Variants in DLC1 observed in about 807,000 individuals in gnomAD.
The protein encoded by DLC1 is rho GTPase-activating protein 7.
DLC1 carries 54 observed loss-of-function variants against 140.3 expected under a neutral mutation model. The observed-to-expected ratio is 0.38, with a 90% CI of 0.31 to 0.48. The LOEUF is 0.48. DLC1 is among the 20% of genes least tolerant of loss of function. The pLI is 0.96. For missense variants in DLC1, 2,536 were observed against 1,907.0 expected (o/e 1.33, Z -6.14); for synonymous variants, 986 against 728.1 (o/e 1.35, Z -5.70).
intron 5 of DLC1, among the ~76,000 whole-genome samples, chr8:13,295,127 TAAAGAG>T (rs572739728): frequency 2.7e-4 from 41 of 152,304 alleles, no homozygotes; most frequent in African/African-American, 9.4e-4. Flanking sequence ...ATCACAGACT[TAAAGAG>T]AAAGGGGGAA....
At chr8:13,368,240 T>C (rs1274224434) in intron 4 of DLC1, among the ~76,000 whole-genome samples, 2 of 152,204 alleles carry the variant, frequency 1.3e-5, no homozygotes, top group Admixed American at 6.5e-5. Context: ...TAAAGGGCCC[T>C]CAGACACCAT....
At chr8:13,528,467 A>G (rs998049282) in intron 1 of DLC1, among the ~76,000 whole-genome samples, 2 of 152,336 alleles carry the variant, frequency 1.3e-5, no homozygotes, top group Non-Finnish European at 2.9e-5. Context: ...TGTTTGAAAG[A>G]GTTTGTAAAA....
Position 13,590,063 on chromosome 8 carries a change from A to C in DLC1, c.-126+14474T>G, listed in dbSNP as rs947470604. On this transcript the variant is annotated intron_variant, in intron 1 of 1. Coordinates refer to the DLC1 transcript ENST00000631382. Reference sequence around the variant, plus strand: ...AAAGTTTAGGAGAAACTCAACATGCATATATATATATATACAAACACATGC... The same window carrying C: ...AAAGTTTAGGAGAAACTCAACATGCCTATATATATATATACAAACACATGC... Among the ~76,000 whole-genome samples the C allele has an allele frequency of 5.9e-5, 7 of 119,432 alleles. No homozygotes were observed. In the South Asian group the frequency reaches 9.9e-4, roughly 17 times the overall value. The allele number at this position is 119,432 out of a possible 152,430, so 78.4% of individuals were successfully genotyped here.
chr8:13,140,533 A>G (rs1326594697), intron 5 of DLC1, among the ~76,000 whole-genome samples: 1 of 146,116 alleles, frequency 6.8e-6, no homozygotes. Flanking sequence ...TGCCTGGCCA[A>G]CTTTTTTTTT....
At chr8:13,267,660 C>A (rs1224474698) in intron 5 of DLC1, among the ~76,000 whole-genome samples, 1 of 151,972 alleles carries the variant, frequency 6.6e-6, no homozygotes, top group African/African-American at 2.4e-5. Flanking sequence ...TTTACACCAG[C>A]AACCTATAAC....
chr8:13,121,609 C>T (rs1821077878), intron 5 of DLC1, among the ~76,000 whole-genome samples: 2 of 152,080 alleles, frequency 1.3e-5, no homozygotes, highest in South Asian at 4.2e-4. Context: ...AGTCTAGTGG[C>T]ATGATCACAG....
Position 13,133,431 on chromosome 8 carries a change from C to T in DLC1, c.1349-17774G>A, listed in dbSNP as rs7014240. ...GGCTGTTCTCCGGCCCCGCCCCATT[C>T]CCAGGCTCCGCCCCCCGCCCCTCTT... On this transcript the variant is annotated intron_variant, in intron 5 of 17. Coordinates refer to ENST00000276297, the MANE Select transcript of DLC1 (RefSeq NM_182643.3). 0.054 allele frequency: 25,965 copies of T among 482,660 alleles called. 1,077 individuals are homozygous for T. The highest frequency in any genetic ancestry group is 0.15 in the African/African-American group (6,398 of 44,012). The allele number at this position is 482,660 out of a possible 1,614,324, so 29.9% of individuals were successfully genotyped here. A position where few individuals can be genotyped will look rare whatever the true frequency, so the allele number is the denominator to read the frequency against.
chr8:13,532,833 C>A (rs1181738371), intron 1 of DLC1, among the ~76,000 whole-genome samples: 2 of 152,126 alleles, frequency 1.3e-5, no homozygotes, highest in African/African-American at 4.8e-5. Flanking sequence ...AGACCCTCAT[C>A]CCCCCATCTC....
intron 5 of DLC1, among the ~76,000 whole-genome samples, chr8:13,155,467 ATAATT>A (rs1429412457): frequency 6.6e-6 from 1 of 152,140 alleles, no homozygotes; most frequent in Non-Finnish European, 1.5e-5. Flanking sequence ...GGCTAAAACA[ATAATT>A]TAAATCTATT....
chr8:13,133,991 G>A (rs182607851), intron 5 of DLC1, among the ~76,000 whole-genome samples: 1 of 152,316 alleles, frequency 6.6e-6, no homozygotes, highest in East Asian at 1.9e-4. Flanking sequence ...GTCACAGCCC[G>A]TGTTTCTCAA....
intron 5 of DLC1, among the ~76,000 whole-genome samples, chr8:13,221,726 G>GTGTATATATATATATA (rs952162614): frequency 4.5e-5 from 6 of 132,438 alleles, no homozygotes; most frequent in African/African-American, 1.7e-4. Context: ...GTGTGTGTGT[G>GTGTATATATATATATA]TATATATATA....
intron 5 of DLC1, among the ~76,000 whole-genome samples, chr8:13,143,842 G>GAGAGAGAGAC (rs1554584102): frequency 2.1e-5 from 3 of 146,154 alleles, no homozygotes; most frequent in African/African-American, 7.9e-5. Flanking sequence ...GAGAGAGAGA[G>GAGAGAGAGAC]AGAGAGAGAG....
chr8:13,480,996 G>T (rs1271517179), intron 2 of DLC1, among the ~76,000 whole-genome samples: 1 of 152,150 alleles, frequency 6.6e-6, no homozygotes, highest in Non-Finnish European at 1.5e-5. Flanking sequence ...AGGCCAAGAG[G>T]CCAGTTAAGA....
intron 5 of DLC1, among the ~76,000 whole-genome samples, chr8:13,127,504 T>A (rs1319762951): frequency 1.3e-5 from 2 of 152,208 alleles, no homozygotes; most frequent in African/African-American, 4.8e-5. Context: ...AAGAGAACTG[T>A]ATGGAGATTG....
At position 13,312,894 on chromosome 8, in the gene DLC1, G is replaced by A. The variant is rs59105201; in HGVS notation, c.1315-7592C>T. Among the ~76,000 whole-genome samples, 1,494 of 152,272 alleles carry A rather than the reference G, an allele frequency of 9.8e-3. 23 individuals carry two copies. The highest frequency in any genetic ancestry group is 0.034 in the African/African-American group (1,405 of 41,556). ...ATGTAGGCTGATTTCCAGTGAGGAT[G>A]ATACTCAAGATAATTAACTTATTCA... On this transcript the variant is annotated intron_variant, in intron 4 of 17. Transcript: ENST00000276297.
At chr8:13,086,761 C>T (rs977053912) in intron 16 of DLC1, among the ~76,000 whole-genome samples, 12 of 152,170 alleles carry the variant, frequency 7.9e-5, no homozygotes, top group African/African-American at 1.7e-4. Context: ...CCATGGCTCA[C>T]GCCTGTAATC....
At chr8:13,552,039 G>GTA (rs1249544637) in intron 1 of DLC1, among the ~76,000 whole-genome samples, 120 of 129,788 alleles carry the variant, frequency 9.2e-4, no homozygotes, top group Middle Eastern at 6.2e-3. Flanking sequence ...ATGTGTGTGT[G>GTA]TATATATATA....
chr8:13,559,824 A>G (rs113835642), intron 1 of DLC1, among the ~76,000 whole-genome samples: 6 of 152,332 alleles, frequency 3.9e-5, no homozygotes, highest in African/African-American at 1.2e-4. Flanking sequence ...TATGAAAGGA[A>G]ACACATTATA....
chr8:13,452,871 C>G (rs938930960), intron 2 of DLC1, among the ~76,000 whole-genome samples: 3 of 152,162 alleles, frequency 2.0e-5, no homozygotes, highest in African/African-American at 7.2e-5. Context: ...CCCTTGTTTG[C>G]TCAGCTACCT....
Sources: gnomAD v4.1 joint callset for allele counts (sites outside exome capture counted in the v4.1 genomes callset) on GRCh38, gnomAD v4.1.1 for gene constraint, MANE v1.5 for transcripts, NCBI Gene and HGNC (gene_info 2026-07-23, HGNC 2026-07-21) for gene names.